B4GALNT2: variants seen among roughly 807,000 people sequenced by gnomAD.
B4GALNT2 encodes the protein N-acetylneuraminylgalactosylglucosyl-glucoside beta-1,4-N- acetylgalactosaminyltransferase 2.
In B4GALNT2, 42 loss-of-function variants were observed where a neutral mutation model predicts 51.1. The observed-to-expected ratio is 0.82, with a 90% CI of 0.64 to 1.06. B4GALNT2 has a LOEUF of 1.06. Among genes scored for constraint, B4GALNT2 ranks in the 50% least tolerant of loss-of-function variants. The pLI is 0.00. For synonymous variants in B4GALNT2, 253 were observed against 251.7 expected (o/e 1.01, Z -0.05); for missense variants, 602 against 633.6 (o/e 0.95, Z 0.54).
At chr17:49,131,984 A>G (rs4622554), upstream of B4GALNT2, among the ~76,000 whole-genome samples, 1 of 151,624 alleles carries the variant, frequency 6.6e-6, no homozygotes, top group African/African-American at 2.4e-5. Context: ...TATTATTATT[A>G]TTTTTTAATT....
In B4GALNT2 at chr17:49,138,159, T is replaced by G. The variant is rs73987228; in HGVS notation, c.15-3088T>G. 8.8e-3 allele frequency among the ~76,000 whole-genome samples: 1,339 copies of G among 152,306 alleles called. 25 individuals are homozygous for G. Among genetic ancestry groups the G allele is most frequent in the African/African-American group, 0.03 (1,261 of 41,556 alleles). ...TTTAGGCACTTAATCTCTCTAAATT[T>G]CCTATATATTAATAAGATTCTAGCA... On this transcript the variant is annotated intron_variant, in intron 1 of 10. Coordinates refer to ENST00000393354, the MANE Select transcript of B4GALNT2 (RefSeq NM_001159387.2).
rs375974245 is a variant in B4GALNT2 at position 49,169,670 on chromosome 17, G to A, written c.1463G>A (p.Arg488Gln). 321 of 1,607,790 alleles carry A rather than the reference G, an allele frequency of 2.0e-4. 1 individual carries two copies. Among genetic ancestry groups the A allele is most frequent in the Non-Finnish European group, 2.5e-4 (297 of 1,175,794 alleles). The change falls in exon 11 of 11, where the codon CGG (arginine) becomes CAG (glutamine). Residue 488 changes from arginine to glutamine, a missense_variant. Transcript: ENST00000393354. The stretch of plus-strand genomic sequence containing the variant: ...ACATACCGGTCCAACACCCTCACCC[G>A]GGTCCAGTTCAAGCTGGCCCTCCAC... ...YNTYRSNTLT[R>Q]VQFKLALHYF...
intron 5 of B4GALNT2, 128 bp from the exon 6 acceptor site, chr17:49,158,909 C>A: frequency 9.1e-7 from 1 of 1,100,752 alleles, no homozygotes; most frequent in South Asian, 1.5e-5. Context: ...CTGTCAAGGG[C>A]ACCCTGGTGC....
intron 3 of B4GALNT2, chr17:49,148,680 A>T: frequency 1.8e-6 from 1 of 561,912 alleles, no homozygotes; most frequent in Non-Finnish European, 3.3e-6. Flanking sequence ...CATGACATGA[A>T]GGTCGGGCAC....
At position 49,164,302 on chromosome 17, in the gene B4GALNT2, C is replaced by T. The variant is rs567591182; in HGVS notation, c.954+27C>T. ...TATGTCCCTCTCAGATTGGGTGGCA[C>T]CTGCATTCCAGGACAAGAGGGCCCC... On this transcript the variant is annotated intron_variant, in intron 8 of 10. Coordinates refer to ENST00000393354, the MANE Select transcript of B4GALNT2 (RefSeq NM_001159387.2). 3.4e-5 allele frequency: 54 copies of T among 1,589,162 alleles called. 1 individual carries two copies. In the South Asian group the frequency reaches 5.0e-4, roughly 15 times the overall value.
the B4GALNT2 span, among the ~76,000 whole-genome samples, chr17:49,123,235 C>A: frequency 6.6e-6 from 1 of 152,104 alleles, no homozygotes; most frequent in Non-Finnish European, 1.5e-5. Flanking sequence ...TTCTGGGCAC[C>A]CTCAGTTATT....
At position 49,132,804 on chromosome 17, in the gene B4GALNT2, C is replaced by T. The variant is rs146443714; in HGVS notation, c.12C>T (p.Gly4=). The change falls in exon 1 of 11, where the codon GGC becomes GGT. Residue 4 remains glycine, a splice_region_variant and synonymous_variant. Transcript: ENST00000393354. MTS[G]GSRFLWLLKI... ...CGGCGGGATTCGGGATGACTTCGGG[C>T]GGGTGAGTGTCCCCGGGGCAGAGCA... is the stretch of plus-strand genomic sequence containing the variant. 5.1e-6 allele frequency: 7 copies of T among 1,375,674 alleles called. No homozygotes were observed. In the South Asian group the frequency reaches 9.1e-5, roughly 18 times the overall value. The allele number at this position is 1,375,674 out of a possible 1,614,324, so 85.2% of individuals were successfully genotyped here.
Position 49,148,160 on chromosome 17 carries a change from C to A in B4GALNT2, c.354-4640C>A, listed in dbSNP as rs187451952. On this transcript the variant is annotated intron_variant, in intron 3 of 10. Coordinates refer to ENST00000393354, the MANE Select transcript of B4GALNT2 (RefSeq NM_001159387.2). ...ACTAAAAATACAAAAATTAGTCGAGCGTGATGGTGGGCGCCTGTAATCCCA... is the reference window on the plus strand; with the variant it reads ...ACTAAAAATACAAAAATTAGTCGAGAGTGATGGTGGGCGCCTGTAATCCCA... Among the ~76,000 whole-genome samples, 9 of 151,730 alleles carry A rather than the reference C, an allele frequency of 5.9e-5. No homozygotes were observed. The East Asian group carries it at 1.8e-3, about 30-fold the overall frequency.
In B4GALNT2 at chr17:49,141,280, C is replaced by T; in HGVS notation, c.48C>T (p.Val16=). The change falls in exon 2 of 11, where the codon GTC becomes GTT. Residue 16 remains valine, a synonymous_variant. Coordinates refer to ENST00000393354, the MANE Select transcript of B4GALNT2 (RefSeq NM_001159387.2). ...SRFLWLLKIL[V]IILVLGIVGF... is the part of the protein sequence containing the mutation. ...TTCTGTGGCTCCTCAAGATATTGGT[C>T]ATAATCCTGGTACTTGGCATTGTTG... is the stretch of plus-strand genomic sequence containing the variant. 6.2e-7 allele frequency: 1 copy of T among 1,614,086 alleles called. No homozygotes were observed. Among genetic ancestry groups the T allele is most frequent in the Non-Finnish European group, 8.5e-7 (1 of 1,179,992 alleles).
At chr17:49,125,919 G>T in the B4GALNT2 span, among the ~76,000 whole-genome samples, 6 of 150,688 alleles carry the variant, frequency 4.0e-5, no homozygotes, top group African/African-American at 1.5e-4. Context: ...CGTCTGGGAG[G>T]TGAGGGGTGC....
intron 1 of B4GALNT2, chr17:49,133,020 C>G (rs1395882871): frequency 2.7e-6 from 4 of 1,480,710 alleles, no homozygotes; most frequent in Admixed American, 5.7e-5. Flanking sequence ...CTCTGCACCC[C>G]CAGGAATGGG....
chr17:49,168,202 T>C (rs985535390), intron 9 of B4GALNT2, among the ~76,000 whole-genome samples: 1 of 152,132 alleles, frequency 6.6e-6, no homozygotes, highest in African/African-American at 2.4e-5. Context: ...AAAATGCACA[T>C]CTCTTCCATG....
chr17:49,169,259 G>A (rs374949778), intron 10 of B4GALNT2, among the ~76,000 whole-genome samples: 13 of 152,036 alleles, frequency 8.6e-5, no homozygotes, highest in East Asian at 1.9e-4. Flanking sequence ...CCTGGAGTCC[G>A]CAGTTCTGTC....
intron 7 of B4GALNT2, 101 bp downstream of exon 7, chr17:49,160,742 T>C: frequency 8.8e-7 from 1 of 1,133,066 alleles, no homozygotes; most frequent in East Asian, 2.4e-5. Flanking sequence ...TTGATCAAAA[T>C]GACAGCTCTG....
At chr17:49,165,785 G>A (rs1440825738) in intron 8 of B4GALNT2, among the ~76,000 whole-genome samples, 2 of 151,974 alleles carry the variant, frequency 1.3e-5, no homozygotes, top group African/African-American at 4.8e-5. Flanking sequence ...TCTTACAGGA[G>A]ACAAAAGGAG....
At chr17:49,127,042 AT>A in the B4GALNT2 span, among the ~76,000 whole-genome samples, 31 of 152,154 alleles carry the variant, frequency 2.0e-4, no homozygotes, top group African/African-American at 7.0e-4. Context: ...CTTTTATAAA[AT>A]TTTTTATGAC....
At chr17:49,120,924 A>G in the B4GALNT2 span, among the ~76,000 whole-genome samples, 2 of 151,902 alleles carry the variant, frequency 1.3e-5, no homozygotes, top group Non-Finnish European at 2.9e-5. Context: ...TGAGGACCCA[A>G]CTCCACACAC....
At chr17:49,140,336 G>A (rs1463662277) in intron 1 of B4GALNT2, among the ~76,000 whole-genome samples, 2 of 152,054 alleles carry the variant, frequency 1.3e-5, no homozygotes, top group South Asian at 2.1e-4. Context: ...TCCTGACCTC[G>A]TGATCCACCC....
rs759335095 is a variant in B4GALNT2, at chr17:49,133,013, T to C, written c.14+207T>C. The C allele has an allele frequency of 1.2e-5, 18 of 1,474,158 alleles. No individual in the cohort carries two copies. The East Asian group carries it at 4.9e-4, about 40-fold the overall frequency. The allele number at this position is 1,474,158 out of a possible 1,614,324, so 91.3% of individuals were successfully genotyped here. The stretch of plus-strand genomic sequence containing the variant: ...GTGACGGCGCGTGCGGAACGAACTC[T>C]GCACCCCCAGGAATGGGGAGCGCTG... On this transcript the variant is annotated intron_variant, in intron 1 of 10. Transcript: ENST00000393354.
Sources: gnomAD v4.1 joint callset for allele counts (sites outside exome capture counted in the v4.1 genomes callset) on GRCh38, gnomAD v4.1.1 for gene constraint, MANE v1.5 for transcripts, NCBI Gene and HGNC (gene_info 2026-07-23, HGNC 2026-07-21) for gene names.